WNK3: variants seen among roughly 807,000 people sequenced by gnomAD.
The protein encoded by WNK3 is serine/threonine-protein kinase WNK3.
In WNK3, 18 loss-of-function variants were observed where a neutral mutation model predicts 116.7. That is an observed-to-expected ratio of 0.15 (90% CI 0.11 to 0.23). WNK3 has a LOEUF of 0.23. WNK3 is among the 10% of genes least tolerant of loss of function. The probability of loss-of-function intolerance (pLI) is 1.00; values close to 1 mark genes in which losing one functional copy is unlikely to be tolerated. For missense variants in WNK3, 993 were observed against 1,323.8 expected (o/e 0.75, Z 3.88); for synonymous variants, 404 against 469.4 (o/e 0.86, Z 1.80).
intron 1 of WNK3, among the ~76,000 whole-genome samples, chrX:54,354,217 G>C: frequency 8.9e-6 from 1 of 111,852 alleles, no homozygotes; most frequent in South Asian, 3.7e-4. Flanking sequence ...ATTAAAAATT[G>C]TATCAATTCT....
rs782610047 is a variant in WNK3 at position 54,308,797 on chromosome X, C to T, written c.931+298G>A. ...ATAGGTATTTCAAAGCAAATTCAGT[C>T]TAAGCCCAGTATTGGCAAACTTTTC... On this transcript the variant is annotated intron_variant, in intron 4 of 23. Coordinates refer to ENST00000354646, the Ensembl canonical transcript of WNK3. Among the ~76,000 whole-genome samples the T allele has an allele frequency of 6.3e-5, 7 of 111,728 alleles. No individual in the cohort carries two copies. In the Admixed American group the frequency reaches 6.8e-4, roughly 11 times the overall value.
At chrX:54,325,679 CAAAAAA>C (rs57064020) in intron 2 of WNK3, among the ~76,000 whole-genome samples, 1 of 11,311 alleles carries the variant, frequency 8.8e-5, no homozygotes, top group African/African-American at 1.9e-4. Context: ...AACTCCCTCT[CAAAAAA>C]AAAAAAAAAA....
intron 1 of WNK3, among the ~76,000 whole-genome samples, chrX:54,337,114 G>A (rs1176291841): frequency 9.0e-6 from 1 of 111,517 alleles, no homozygotes; most frequent in African/African-American, 3.3e-5. Context: ...TTCCCCAAAT[G>A]TTAAACATTT....
intron 17 of WNK3, among the ~76,000 whole-genome samples, chrX:54,247,619 T>A (rs1029875236): frequency 9.1e-6 from 1 of 109,901 alleles, no homozygotes; most frequent in Non-Finnish European, 1.9e-5. Flanking sequence ...TGTCTACAGG[T>A]TTGGGGATGG....
intron 23 of WNK3, among the ~76,000 whole-genome samples, chrX:54,200,799 A>G (rs1194461949): frequency 1.8e-5 from 2 of 111,752 alleles, no homozygotes; most frequent in East Asian, 5.6e-4. Context: ...GGCAGTACAA[A>G]TGCATTTATG....
intron 2 of WNK3, among the ~76,000 whole-genome samples, chrX:54,324,221 A>C (rs2069071121): frequency 8.9e-6 from 1 of 111,882 alleles, no homozygotes; most frequent in South Asian, 3.7e-4. Flanking sequence ...TTGTGATTAC[A>C]CTGGGTCCAC....
At chrX:54,256,942 C>T (rs2068198820) in intron 11 of WNK3, among the ~76,000 whole-genome samples, 1 of 112,081 alleles carries the variant, frequency 8.9e-6, no homozygotes, top group Non-Finnish European at 1.9e-5. Context: ...GGGTTTGGGA[C>T]AAGATGGCAG....
At chrX:54,286,030 C>T (rs1347533689) in intron 10 of WNK3, among the ~76,000 whole-genome samples, 1 of 111,383 alleles carries the variant, frequency 9.0e-6, no homozygotes, top group Non-Finnish European at 1.9e-5. Context: ...GGTGTTCATG[C>T]TACAATTTTT....
intron 5 of WNK3, among the ~76,000 whole-genome samples, chrX:54,302,608 A>G (rs918163792): frequency 1.9e-5 from 2 of 106,924 alleles, no homozygotes; most frequent in South Asian, 8.2e-4. Context: ...GCCATAAACA[A>G]ATACTTTTTT....
intron 1 of WNK3, among the ~76,000 whole-genome samples, chrX:54,340,481 C>A (rs1258767498): frequency 9.1e-6 from 1 of 109,910 alleles, no homozygotes; most frequent in Non-Finnish European, 1.9e-5. Flanking sequence ...AGTAGTGGCG[C>A]ACGCCTGTAA....
intron 1 of WNK3, among the ~76,000 whole-genome samples, chrX:54,347,491 A>G (rs1314167459): frequency 9.2e-6 from 1 of 109,136 alleles, no homozygotes; most frequent in Non-Finnish European, 1.9e-5. Flanking sequence ...ATCTCAAAAA[A>G]TAAAAAATAA....
At chrX:54,241,953 CAA>C (rs782594022) in intron 17 of WNK3, among the ~76,000 whole-genome samples, 3 of 60,913 alleles carry the variant, frequency 4.9e-5, no homozygotes, top group Admixed American at 2.0e-4. Flanking sequence ...GACTCCATCT[CAA>C]AAAAAAAAAA....
intron 15 of WNK3, 54 bp from the exon 16 acceptor site, chrX:54,250,185 C>G: frequency 9.3e-7 from 1 of 1,077,791 alleles, no homozygotes; most frequent in Non-Finnish European, 1.2e-6. Context: ...AATTTATTTA[C>G]CTTATTGACT....
intron 17 of WNK3, among the ~76,000 whole-genome samples, chrX:54,245,125 C>T (rs2068061369): frequency 1.0e-5 from 1 of 99,472 alleles, no homozygotes; most frequent in African/African-American, 3.8e-5. Flanking sequence ...CTTTTTTGTG[C>T]ATTTATGTAC....
rs1291313330 is a variant in WNK3, at chrX:54,345,301, T to C, written c.-119-11509A>G. On this transcript the variant is annotated intron_variant, in intron 1 of 23. Coordinates refer to ENST00000354646, the Ensembl canonical transcript of WNK3. ...ATATATATATGTATGTATGTATGTA[T>C]GTATGTATGTATGTATGTATGTATG... 3.7e-5 allele frequency among the ~76,000 whole-genome samples: 4 copies of C among 109,419 alleles called. No individual in the cohort carries two copies. The East Asian group carries it at 1.2e-3, about 31-fold the overall frequency.
intron 2 of WNK3, among the ~76,000 whole-genome samples, chrX:54,325,630 G>T (rs782017434): frequency 7.4e-5 from 6 of 80,882 alleles, no homozygotes; most frequent in Non-Finnish European, 1.3e-4. Flanking sequence ...AGTGAGCCAA[G>T]ATCATGCCAT....
intron 2 of WNK3, among the ~76,000 whole-genome samples, chrX:54,313,393 C>T (rs2068910228): frequency 9.3e-6 from 1 of 107,952 alleles, no homozygotes; most frequent in African/African-American, 3.4e-5. Context: ...CTCTTGTTGC[C>T]CAGGCTGGAG....
Position 54,201,853 on chromosome X carries a change from A to C in WNK3, c.5073+138T>G. 5.7e-6 allele frequency: 3 copies of C among 525,857 alleles called. No individual in the cohort carries two copies. The South Asian group carries it at 1.0e-4, about 18-fold the overall frequency. The allele number at this position is 525,857 out of a possible 1,213,427, so 43.3% of individuals were successfully genotyped here. On this transcript the variant is annotated intron_variant, in intron 23 of 23. Transcript: ENST00000354646. ...ATATAATTTGCTCAAAGACATAATGAATCTAAAAAAGGATAAAAGTCTCTA... is the reference window on the plus strand; with the variant it reads ...ATATAATTTGCTCAAAGACATAATGCATCTAAAAAAGGATAAAAGTCTCTA...
chrX:54,268,781 T>G (rs2068346334), intron 10 of WNK3, among the ~76,000 whole-genome samples: 1 of 110,584 alleles, frequency 9.0e-6, no homozygotes, highest in Non-Finnish European at 1.9e-5. Flanking sequence ...TCCCCATGAG[T>G]TCATACTAAC....
Sources: gnomAD v4.1 joint callset for allele counts (sites outside exome capture counted in the v4.1 genomes callset) on GRCh38, gnomAD v4.1.1 for gene constraint, MANE v1.5 for transcripts, NCBI Gene and HGNC (gene_info 2026-07-23, HGNC 2026-07-21) for gene names.